The following BAZ2B variants were observed in gnomAD, a reference collection of about 807,000 sequenced individuals.
BAZ2B encodes bromodomain adjacent to zinc finger domain 2B.
A neutral mutation model predicts 246.0 loss-of-function variants in BAZ2B; 91 were observed. That is an observed-to-expected ratio of 0.37 (90% CI 0.31 to 0.44). BAZ2B has a LOEUF of 0.44. BAZ2B is among the 20% of genes least tolerant of loss of function. The probability of loss-of-function intolerance (pLI) is 1.00; values close to 1 mark genes in which losing one functional copy is unlikely to be tolerated. For missense variants in BAZ2B, 2,332 were observed against 2,533.7 expected (o/e 0.92, Z 1.71); for synonymous variants, 855 against 860.0 (o/e 0.99, Z 0.10).
In BAZ2B at chr2:159,572,914, T is replaced by C. The variant is rs189489641; in HGVS notation, c.-45-17049A>G. Among the ~76,000 whole-genome samples, 780 of 152,206 alleles carry C rather than the reference T, an allele frequency of 5.1e-3. 16 individuals carry two copies. Among genetic ancestry groups the C allele is most frequent in the Non-Finnish European group, 3.6e-3 (244 of 68,008 alleles). ...ATCCTAAGCAACATGAGAATGAGGA[T>C]TGTGTTTAATTGGAATTTTCTTTTC... On this transcript the variant is annotated intron_variant, in intron 1 of 36. Coordinates refer to ENST00000392783, the MANE Select transcript of BAZ2B (RefSeq NM_013450.4).
At chr2:159,415,410 A>C (rs1032044630) in intron 13 of BAZ2B, among the ~76,000 whole-genome samples, 10 of 137,892 alleles carry the variant, frequency 7.3e-5, no homozygotes, top group Non-Finnish European at 3.1e-5. Flanking sequence ...GCGCCACTGC[A>C]CTCCAGCCTG....
chr2:159,568,791 T>C (rs550562370), intron 1 of BAZ2B, among the ~76,000 whole-genome samples: 23 of 152,332 alleles, frequency 1.5e-4, no homozygotes, highest in Admixed American at 1.0e-3. Flanking sequence ...AGTTTCCTAA[T>C]TGTGATTCTT....
At chr2:159,701,677 AT>A in the BAZ2B span, among the ~76,000 whole-genome samples, 1 of 148,000 alleles carries the variant, frequency 6.8e-6, no homozygotes, top group South Asian at 2.1e-4. Flanking sequence ...TTTATATTTT[AT>A]ATTGTATTAT....
At chr2:159,586,388 A>C (rs1327581161) in intron 1 of BAZ2B, among the ~76,000 whole-genome samples, 5 of 151,934 alleles carry the variant, frequency 3.3e-5, no homozygotes, top group Non-Finnish European at 5.9e-5. Context: ...AAAAATAAAT[A>C]AATCATCTAC....
intron 1 of BAZ2B, among the ~76,000 whole-genome samples, chr2:159,569,094 C>T (rs16844099): frequency 0.064 from 9,675 of 152,122 alleles, 992 homozygotes; most frequent in African/African-American, 0.22. Flanking sequence ...CCTTGACTTA[C>T]AATTTCAACA....
At chr2:159,708,585 A>C in the BAZ2B span, among the ~76,000 whole-genome samples, 44 of 143,390 alleles carry the variant, frequency 3.1e-4, 1 homozygote, top group East Asian at 1.2e-3. Context: ...TTATTTCTTT[A>C]TTTATTTATT....
In BAZ2B at chr2:159,604,522, G is replaced by A. The variant is rs571045203; in HGVS notation, c.-46+11720C>T. Among the ~76,000 whole-genome samples, 19 of 152,192 alleles carry A rather than the reference G, an allele frequency of 1.2e-4. 1 individual carries two copies. Among genetic ancestry groups the A allele is most frequent in the African/African-American group, 4.3e-4 (18 of 41,518 alleles). On this transcript the variant is annotated intron_variant, in intron 1 of 36. Coordinates refer to ENST00000392783, the MANE Select transcript of BAZ2B (RefSeq NM_013450.4). ...ATAGAATTACTTACCAGTATGATAAGCCTGCCTTATCAAAGAAGCATAGTT... is the reference window on the plus strand; with the variant it reads ...ATAGAATTACTTACCAGTATGATAAACCTGCCTTATCAAAGAAGCATAGTT...
chr2:159,515,934 C>T (rs752612813), intron 2 of BAZ2B, among the ~76,000 whole-genome samples: 4 of 151,944 alleles, frequency 2.6e-5, no homozygotes, highest in Non-Finnish European at 5.9e-5. Context: ...AATCTTTTTA[C>T]TACATAAGTT....
At chr2:159,694,574 G>A in the BAZ2B span, 1 of 152,074 alleles carries the variant, frequency 6.6e-6, no homozygotes, top group Non-Finnish European at 1.5e-5. Flanking sequence ...GATATAAATG[G>A]AATAATACAA....
chr2:159,461,339 A>G (rs2076387706), intron 3 of BAZ2B: 1 of 152,610 alleles, frequency 6.6e-6, no homozygotes, highest in Admixed American at 6.6e-5. Flanking sequence ...TTATTTTATC[A>G]CAGTTACACT....
At chr2:159,448,874 T>C (rs4622664) in intron 4 of BAZ2B, among the ~76,000 whole-genome samples, 141,168 of 152,214 alleles carry the variant, frequency 0.93, 66,361 homozygotes, top group East Asian at 1. Context: ...TATAAGACTA[T>C]TGTAATCCAC....
At chr2:159,467,278 G>A (rs1247137272) in intron 3 of BAZ2B, among the ~76,000 whole-genome samples, 1 of 152,190 alleles carries the variant, frequency 6.6e-6, no homozygotes, top group African/African-American at 2.4e-5. Flanking sequence ...ATATGGCTAG[G>A]TGAAAAAGTT....
chr2:159,577,249 AT>A (rs1685571348), intron 1 of BAZ2B, among the ~76,000 whole-genome samples: 1 of 152,190 alleles, frequency 6.6e-6, no homozygotes, highest in Non-Finnish European at 1.5e-5. Context: ...TACTTAAAAA[AT>A]AACATGTTCC....
intron 14 of BAZ2B, 107 bp from the exon 15 acceptor site, chr2:159,405,221 T>G (rs1345204420): frequency 1.0e-6 from 1 of 993,556 alleles, no homozygotes; most frequent in African/African-American, 1.6e-5. Flanking sequence ...AATTATTACT[T>G]TTTTTTTTGA....
At chr2:159,462,814 A>G in intron 3 of BAZ2B, 1 of 1,490,088 alleles carries the variant, frequency 6.7e-7, no homozygotes, top group Non-Finnish European at 9.4e-7. Context: ...GCCCATCGAT[A>G]GTTTTTAGCA....
the BAZ2B span, among the ~76,000 whole-genome samples, chr2:159,654,596 C>T: frequency 5.3e-5 from 8 of 152,084 alleles, no homozygotes; most frequent in Admixed American, 2.6e-4. Flanking sequence ...TTTTCTTCTT[C>T]AATGCTCTCT....
At chr2:159,676,647 GCA>G in the BAZ2B span, among the ~76,000 whole-genome samples, 12,595 of 132,488 alleles carry the variant, frequency 0.095, 711 homozygotes, top group African/African-American at 0.16. Flanking sequence ...GTATCTAAAT[GCA>G]CACACACACA....
chr2:159,336,097 G>A (rs534232208), intron 33 of BAZ2B, among the ~76,000 whole-genome samples: 2 of 152,256 alleles, frequency 1.3e-5, no homozygotes, highest in Admixed American at 1.3e-4. Flanking sequence ...GGAGGCAGAG[G>A]TTGCAGTGAG....
At chr2:159,630,761 C>T in the BAZ2B span, among the ~76,000 whole-genome samples, 1 of 152,076 alleles carries the variant, frequency 6.6e-6, no homozygotes, top group Admixed American at 6.5e-5. Context: ...GTCTCGATCT[C>T]CTGACCTCGT....
Sources: gnomAD v4.1 joint callset for allele counts (sites outside exome capture counted in the v4.1 genomes callset) on GRCh38, gnomAD v4.1.1 for gene constraint, MANE v1.5 for transcripts, NCBI Gene and HGNC (gene_info 2026-07-23, HGNC 2026-07-21) for gene names.